Variants in PDE1C observed in about 807,000 individuals in gnomAD.
PDE1C encodes the protein phosphodiesterase 1C.
PDE1C carries 62 observed loss-of-function variants against 93.1 expected under a neutral mutation model. The observed-to-expected ratio is 0.67, with a 90% CI of 0.54 to 0.82. PDE1C has a LOEUF of 0.82. PDE1C is among the 40% of genes least tolerant of loss of function. The pLI is 0.00. For synonymous variants in PDE1C, 325 were observed against 310.1 expected, an observed-to-expected ratio of 1.05 and a Z score of -0.50; for missense variants, 742 against 884.6, an observed-to-expected ratio of 0.84 and a Z score of 2.04.
At chr7:31,760,158 T>C (rs1328379418) in intron 17 of PDE1C, among the ~76,000 whole-genome samples, 1 of 152,176 alleles carries the variant, frequency 6.6e-6, no homozygotes, top group Non-Finnish European at 1.5e-5. Flanking sequence ...ACACCAGGAC[T>C]TACCAGCACC....
chr7:31,868,279 C>T (rs1167664683), intron 6 of PDE1C, among the ~76,000 whole-genome samples: 2 of 151,896 alleles, frequency 1.3e-5, no homozygotes, highest in Non-Finnish European at 2.9e-5. Flanking sequence ...CAAGAGAATA[C>T]ATAAAAATAA....
chr7:32,022,595 T>G (rs1017953207), intron 2 of PDE1C, among the ~76,000 whole-genome samples: 1 of 152,052 alleles, frequency 6.6e-6, no homozygotes, highest in Non-Finnish European at 1.5e-5. Context: ...AGCAGAAATA[T>G]TAATAATTAT....
At chr7:32,020,369 C>A (rs986069570) in intron 2 of PDE1C, among the ~76,000 whole-genome samples, 4 of 151,726 alleles carry the variant, frequency 2.6e-5, no homozygotes, top group African/African-American at 9.7e-5. Flanking sequence ...TATAGAAATT[C>A]TTCATATTTT....
chr7:31,986,437 G>A (rs1298889833), intron 2 of PDE1C, among the ~76,000 whole-genome samples: 1 of 152,122 alleles, frequency 6.6e-6, no homozygotes, highest in Admixed American at 6.5e-5. Flanking sequence ...ACATTCTGAG[G>A]TTCTGGGTTG....
At chr7:31,790,754 A>G (rs907495973) in intron 16 of PDE1C, among the ~76,000 whole-genome samples, 1 of 152,154 alleles carries the variant, frequency 6.6e-6, no homozygotes, top group Non-Finnish European at 1.5e-5. Context: ...ATCATTTTGC[A>G]GATGGGTGAA....
intron 1 of PDE1C, among the ~76,000 whole-genome samples, chr7:32,417,638 A>AT (rs150861090): frequency 1.1e-3 from 151 of 138,244 alleles, no homozygotes; most frequent in East Asian, 3.5e-3. Context: ...GAAAAGTTCT[A>AT]TTTTTTTTTT....
chr7:32,216,689 A>G (rs1462897143), intron 1 of PDE1C, among the ~76,000 whole-genome samples: 1 of 152,244 alleles, frequency 6.6e-6, no homozygotes, highest in Admixed American at 6.5e-5. Flanking sequence ...CCCTGCCTTC[A>G]CATTGAATAA....
At position 31,886,674 on chromosome 7, in the gene PDE1C, T is replaced by C. The variant is rs117500944; in HGVS notation, c.129-5814A>G. On this transcript the variant is annotated intron_variant, in intron 2 of 17. Coordinates refer to ENST00000396191, the MANE Select transcript of PDE1C (RefSeq NM_001191057.4). ...CCCAGTGGAGTTGACCAGAGCCATT[T>C]TGAAGGCCACGTAGGGGTCAGCCAG... Among the ~76,000 whole-genome samples, 1,362 of 145,958 alleles carry C rather than the reference T, an allele frequency of 9.3e-3. 12 individuals carry two copies. The highest frequency in any genetic ancestry group is 0.016 in the Non-Finnish European group (1,058 of 65,578).
intron 16 of PDE1C, among the ~76,000 whole-genome samples, chr7:31,780,369 C>T (rs184733993): frequency 1.3e-5 from 2 of 152,256 alleles, no homozygotes; most frequent in Non-Finnish European, 2.9e-5. Flanking sequence ...AAAGCTTAGA[C>T]CCAGTTTATG....
chr7:31,846,285 CT>C (rs1792589579), intron 9 of PDE1C, among the ~76,000 whole-genome samples: 1 of 126,222 alleles, frequency 7.9e-6, no homozygotes, highest in African/African-American at 3.1e-5. Context: ...AGGCTCTGTT[CT>C]GTCCAATGGA....
At chr7:31,843,151 G>A (rs1792128046) in intron 9 of PDE1C, among the ~76,000 whole-genome samples, 1 of 151,864 alleles carries the variant, frequency 6.6e-6, no homozygotes, top group Non-Finnish European at 1.5e-5. Flanking sequence ...CTCAGCATGT[G>A]TACTTGAAAA....
At chr7:32,238,247 A>G (rs1321603083) in intron 1 of PDE1C, among the ~76,000 whole-genome samples, 1 of 152,236 alleles carries the variant, frequency 6.6e-6, no homozygotes, top group Non-Finnish European at 1.5e-5. Flanking sequence ...CATCTTCTAC[A>G]ATGGCAATAC....
chr7:32,107,799 T>C (rs987071235), intron 3 of PDE1C, among the ~76,000 whole-genome samples: 18 of 152,226 alleles, frequency 1.2e-4, no homozygotes, highest in Middle Eastern at 3.4e-3. Context: ...AAAGTAATAA[T>C]AGTAATCATA....
At chr7:31,965,993 A>C (rs1004633716) in intron 2 of PDE1C, among the ~76,000 whole-genome samples, 1 of 152,228 alleles carries the variant, frequency 6.6e-6, no homozygotes, top group Admixed American at 6.5e-5. Context: ...AGTACCAGCC[A>C]CTGCAAAAAC....
At chr7:31,794,109 T>TGGGCAGGCGGGCAGGCAGGCAGGC (rs1784994345) in intron 16 of PDE1C, among the ~76,000 whole-genome samples, 3 of 148,972 alleles carry the variant, frequency 2.0e-5, no homozygotes, top group African/African-American at 5.0e-5. Context: ...GACAGATAGA[T>TGGGCAGGCGGGCAGGCAGGCAGGC]GGGCAGGCGG....
chr7:32,330,603 C>T (rs776601354), intron 1 of PDE1C, among the ~76,000 whole-genome samples: 7 of 152,224 alleles, frequency 4.6e-5, no homozygotes, highest in Non-Finnish European at 8.8e-5. Context: ...TAACTCCCTT[C>T]TACCCCTTTG....
At chr7:31,934,998 T>C (rs1804839414) in intron 2 of PDE1C, among the ~76,000 whole-genome samples, 1 of 152,232 alleles carries the variant, frequency 6.6e-6, no homozygotes, top group Non-Finnish European at 1.5e-5. Flanking sequence ...ATTGTTAAAC[T>C]AATCTCATTT....
chr7:32,264,382 T>C (rs1810425245), intron 1 of PDE1C, among the ~76,000 whole-genome samples: 1 of 152,228 alleles, frequency 6.6e-6, no homozygotes, highest in Admixed American at 6.5e-5. Context: ...GGTATTCTTA[T>C]TGCCTTTTAT....
intron 2 of PDE1C, among the ~76,000 whole-genome samples, chr7:32,026,605 AG>A (rs1490166409): frequency 6.6e-6 from 1 of 152,164 alleles, no homozygotes; most frequent in East Asian, 1.9e-4. Flanking sequence ...CCACTTTAAA[AG>A]ACAGTTTGGC....
Sources: allele counts gnomAD v4.1 joint callset (sites outside exome capture counted in the v4.1 genomes callset), GRCh38; gene constraint gnomAD v4.1.1; transcripts MANE v1.5; gene names NCBI Gene and HGNC (gene_info 2026-07-23, HGNC 2026-07-21).